Variants in CDH9 observed in about 807,000 individuals in gnomAD.
CDH9 encodes the protein cadherin-9.
Under a neutral mutation model 70.9 loss-of-function variants are expected in CDH9, and 28 were observed. The observed-to-expected ratio is 0.40, with a 90% CI of 0.29 to 0.54. The LOEUF (loss-of-function observed/expected upper bound fraction) is 0.54. Ranked by LOEUF, CDH9 falls within the 20% of genes least tolerant of loss-of-function variation. The pLI, the probability that CDH9 is intolerant of heterozygous loss-of-function variation, is 0.59. For missense variants in CDH9, 874 were observed against 984.4 expected, an observed-to-expected ratio of 0.89 and a Z score of 1.50; for synonymous variants, 409 against 343.1, an observed-to-expected ratio of 1.19 and a Z score of -2.12.
chr5:26,956,090 G>T (rs1042386429), intron 2 of CDH9, among the ~76,000 whole-genome samples: 18 of 152,094 alleles, frequency 1.2e-4, no homozygotes, highest in Non-Finnish European at 1.6e-4. Flanking sequence ...GATAAGATTT[G>T]GCTGTGTCCC....
intron 2 of CDH9, among the ~76,000 whole-genome samples, chr5:26,926,233 C>A (rs911937979): frequency 6.6e-6 from 1 of 152,266 alleles, no homozygotes; most frequent in South Asian, 2.1e-4. Context: ...CGATAAGCAA[C>A]TTCAGCAAAG....
At chr5:26,998,576 G>A (rs1019839686) in intron 1 of CDH9, among the ~76,000 whole-genome samples, 3 of 151,788 alleles carry the variant, frequency 2.0e-5, no homozygotes, top group African/African-American at 7.3e-5. Flanking sequence ...ACCGGGGTCT[G>A]TTGTGGGGTG....
At chr5:26,907,557 C>G (rs1356278535) in intron 3 of CDH9, among the ~76,000 whole-genome samples, 2 of 152,028 alleles carry the variant, frequency 1.3e-5, no homozygotes, top group East Asian at 3.9e-4. Flanking sequence ...TTTAACCTTA[C>G]TATCTAATTT....
chr5:26,901,916 T>C (rs934219631), intron 7 of CDH9, among the ~76,000 whole-genome samples: 3 of 151,946 alleles, frequency 2.0e-5, no homozygotes, highest in Non-Finnish European at 2.9e-5. Context: ...TATGAGAATA[T>C]AATTGACATA....
chr5:27,015,194 T>C (rs913370159), intron 1 of CDH9, among the ~76,000 whole-genome samples: 26 of 151,840 alleles, frequency 1.7e-4, no homozygotes, highest in African/African-American at 6.3e-4. Flanking sequence ...GCAATATTCC[T>C]GTTACAAAAT....
At chr5:26,944,903 A>G (rs184356086) in intron 2 of CDH9, among the ~76,000 whole-genome samples, 59 of 152,276 alleles carry the variant, frequency 3.9e-4, no homozygotes, top group African/African-American at 1.3e-3. Flanking sequence ...AAATTATATG[A>G]GAATAAAGCT....
chr5:27,025,901 A>C (rs1743212797), intron 1 of CDH9, among the ~76,000 whole-genome samples: 1 of 151,944 alleles, frequency 6.6e-6, no homozygotes, highest in Non-Finnish European at 1.5e-5. Context: ...GCAGAAGTTG[A>C]CAGAGACATA....
At chr5:27,018,885 G>T (rs1280249667) in intron 1 of CDH9, among the ~76,000 whole-genome samples, 2 of 151,926 alleles carry the variant, frequency 1.3e-5, no homozygotes, top group Admixed American at 1.3e-4. Context: ...AGAATTTTGA[G>T]TTAGCAGTGA....
intron 2 of CDH9, among the ~76,000 whole-genome samples, chr5:26,917,535 T>A (rs948224041): frequency 6.6e-6 from 1 of 152,114 alleles, no homozygotes; most frequent in Admixed American, 6.5e-5. Context: ...TTCCATTTTA[T>A]CTTTGAATTA....
chr5:26,893,366 G>C (rs1740693668), intron 7 of CDH9, among the ~76,000 whole-genome samples: 1 of 152,024 alleles, frequency 6.6e-6, no homozygotes, highest in African/African-American at 2.4e-5. Context: ...TATATACTTG[G>C]TCTCAGGTTT....
At chr5:26,991,929 A>G (rs1454765631) in intron 1 of CDH9, among the ~76,000 whole-genome samples, 1 of 152,178 alleles carries the variant, frequency 6.6e-6, no homozygotes, top group Non-Finnish European at 1.5e-5. Context: ...AATTAAAAAT[A>G]GGGAGCAAAG....
chr5:26,890,559 G>A lies in CDH9; in HGVS notation c.1259C>T (p.Ser420Phe). The A allele has an allele frequency of 6.2e-7, 1 of 1,605,310 alleles. No homozygotes were observed. The highest frequency in any genetic ancestry group is 8.5e-7 in the Non-Finnish European group (1 of 1,172,154). ...PDARNNLIKYSVDRHTDMDRI... is the reference protein window; with the variant it reads ...PDARNNLIKYFVDRHTDMDRI... ...GTCCATATCAGTATGCCGATCAACAGAGTACCTGGCAGAAGACAGACTCAT... is the reference window on the plus strand; with the variant it reads ...GTCCATATCAGTATGCCGATCAACAAAGTACCTGGCAGAAGACAGACTCAT... The change falls in exon 8 of 12, where the codon TCT (serine) becomes TTT (phenylalanine). Residue 420 changes from serine (S) to phenylalanine (F), a missense_variant. Ser to Phe is a radical substitution (Grantham distance 155). Transcript: ENST00000231021.
At chr5:26,983,753 T>C (rs1398123962) in intron 2 of CDH9, among the ~76,000 whole-genome samples, 4 of 152,170 alleles carry the variant, frequency 2.6e-5, no homozygotes, top group Admixed American at 6.5e-5. Flanking sequence ...GAAAACACTG[T>C]GATATACTAT....
At chr5:26,903,948 A>C in intron 5 of CDH9, 124 bp from the exon 6 acceptor site, 1 of 572,150 alleles carries the variant, frequency 1.7e-6, no homozygotes, top group Non-Finnish European at 3.0e-6. Flanking sequence ...ATTGAATTGT[A>C]AGCTGTCAAA....
intron 1 of CDH9, among the ~76,000 whole-genome samples, chr5:27,034,160 G>A (rs557123742): frequency 6.6e-6 from 1 of 151,750 alleles, no homozygotes; most frequent in Non-Finnish European, 1.5e-5. Context: ...TAATGAACAT[G>A]TTAAATCTTT....
At chr5:26,935,986 C>T (rs1426606319) in intron 2 of CDH9, among the ~76,000 whole-genome samples, 1 of 151,926 alleles carries the variant, frequency 6.6e-6, no homozygotes, top group African/African-American at 2.4e-5. Flanking sequence ...TATGGAAAGG[C>T]CAAATAATGG....
chr5:26,886,178 C>A, intron 9 of CDH9, 95 bp from the exon 10 acceptor site: 1 of 1,354,554 alleles, frequency 7.4e-7, no homozygotes, highest in Non-Finnish European at 9.8e-7. Context: ...GCTTTAAATA[C>A]ATCACGAAAA....
At chr5:27,027,017 A>G (rs1743231627) in intron 1 of CDH9, among the ~76,000 whole-genome samples, 1 of 151,988 alleles carries the variant, frequency 6.6e-6, no homozygotes, top group African/African-American at 2.4e-5. Flanking sequence ...TCGTAAATAG[A>G]TTAAAAAACC....
chr5:26,924,205 A>C (rs2112015722), intron 2 of CDH9, among the ~76,000 whole-genome samples: 1 of 152,180 alleles, frequency 6.6e-6, no homozygotes, highest in Non-Finnish European at 1.5e-5. Context: ...TCGAAGATAA[A>C]AAATGACATA....
Sources: gnomAD v4.1 joint callset for allele counts (sites outside exome capture counted in the v4.1 genomes callset) on GRCh38, gnomAD v4.1.1 for gene constraint, MANE v1.5 for transcripts, NCBI Gene and HGNC (gene_info 2026-07-23, HGNC 2026-07-21) for gene names.